The following ITGAV variants were observed in gnomAD, a reference collection of about 807,000 sequenced individuals.
ITGAV encodes integrin subunit alpha V, also known as integrin alpha-V.
ITGAV carries 76 observed loss-of-function variants against 143.8 expected under a neutral mutation model. That is an observed-to-expected ratio of 0.53 (90% CI 0.44 to 0.64). ITGAV has a LOEUF of 0.64. ITGAV is among the 30% of genes least tolerant of loss of function. The pLI is 0.00. For synonymous variants in ITGAV, 453 were observed against 446.7 expected (o/e 1.01, Z -0.18); for missense variants, 1,193 against 1,274.7 (o/e 0.94, Z 0.98).
intron 1 of ITGAV, among the ~76,000 whole-genome samples, chr2:186,593,696 A>G (rs1207264044): frequency 6.6e-6 from 1 of 151,844 alleles, no homozygotes; most frequent in Non-Finnish European, 1.5e-5. Context: ...CACCGGGGGG[A>G]AGTAAGGGGA....
At chr2:186,669,220 A>G (rs1688995952) in intron 25 of ITGAV, among the ~76,000 whole-genome samples, 1 of 152,176 alleles carries the variant, frequency 6.6e-6, no homozygotes, top group South Asian at 2.1e-4. Flanking sequence ...TCAGGGCATA[A>G]TATCACATCA....
At chr2:186,656,144 A>G (rs988517174) in intron 16 of ITGAV, 103 bp from the exon 17 acceptor site, 3 of 746,866 alleles carry the variant, frequency 4.0e-6, no homozygotes, top group African/African-American at 1.9e-5. Context: ...GAAGCAATTT[A>G]CTTCTTAAGG....
intron 1 of ITGAV, 122 bp downstream of exon 1, chr2:186,590,645 CCT>C: frequency 1.1e-6 from 1 of 882,152 alleles, no homozygotes; most frequent in South Asian, 1.8e-5. Context: ...ACCCATCCTA[CCT>C]CTCAGAGTGG....
intron 8 of ITGAV, 62 bp downstream of exon 8, chr2:186,637,171 T>A: frequency 7.1e-7 from 1 of 1,417,596 alleles, no homozygotes; most frequent in Non-Finnish European, 1.0e-6. Flanking sequence ...TTGAAACATG[T>A]GGCATTGAAA....
At chr2:186,676,461 G>A (rs1011831889) in intron 28 of ITGAV, among the ~76,000 whole-genome samples, 5 of 152,146 alleles carry the variant, frequency 3.3e-5, no homozygotes, top group African/African-American at 1.2e-4. Context: ...AAAATTAGCT[G>A]GGTATAGTGG....
At chr2:186,594,950 TATG>T (rs1024765382) in intron 1 of ITGAV, among the ~76,000 whole-genome samples, 52 of 152,338 alleles carry the variant, frequency 3.4e-4, no homozygotes, top group African/African-American at 1.2e-3. Flanking sequence ...ATTAAGGACA[TATG>T]ATGTTTCATA....
At chr2:186,630,223 A>G (rs1242586390) in intron 4 of ITGAV, among the ~76,000 whole-genome samples, 2 of 152,042 alleles carry the variant, frequency 1.3e-5, no homozygotes, top group African/African-American at 2.4e-5. Flanking sequence ...CATAATAACA[A>G]AGGTCTTAGC....
At chr2:186,640,125 T>G (rs1302811548) in intron 10 of ITGAV, among the ~76,000 whole-genome samples, 1 of 152,224 alleles carries the variant, frequency 6.6e-6, no homozygotes, top group African/African-American at 2.4e-5. Flanking sequence ...CACCTTACTT[T>G]ATATTTAATC....
chr2:186,670,349 G>T (rs1042816835), intron 26 of ITGAV, among the ~76,000 whole-genome samples: 2 of 152,038 alleles, frequency 1.3e-5, no homozygotes, highest in African/African-American at 2.4e-5. Flanking sequence ...CACCCAGGCT[G>T]GAGTGCAATG....
rs201781970 is a variant in ITGAV at position 186,669,791 on chromosome 2, A to G, written c.2683A>G (p.Ser895Gly). Residue 895 changes from serine to glycine, a missense_variant, in exon 26 of 30, where the codon AGT (serine) becomes GGT (glycine). By Grantham distance (56) the Ser-to-Gly change is moderately conservative. Coordinates refer to ENST00000261023, the MANE Select transcript of ITGAV (RefSeq NM_002210.5). The part of the protein sequence containing the change: ...HLITKRDLAL[S>G]EGDIHTLGCG... ...CATCACTAAGCGGGATCTTGCCCTC[A>G]GTGAAGGAGATATTCACACTTTGGT... 80 of 1,613,424 alleles carry G rather than the reference A, an allele frequency of 5.0e-5. No homozygotes were observed. The highest frequency in any genetic ancestry group is 3.3e-4 in the Admixed American group (20 of 59,962).
Position 186,630,811 on chromosome 2 carries a change from G to C in ITGAV, c.538G>C (p.Asp180His). ...TTTTATTTTAGAAGATATTGATGCT[G>C]ATGGACAGGGATTTTGTCAAGGAGG... is the stretch of plus-strand genomic sequence containing the variant. ...APCRSQDIDADGQGFCQGGFS... is the reference protein window; with the variant it reads ...APCRSQDIDAHGQGFCQGGFS... The change falls in exon 5 of 30, where the codon GAT becomes CAT. Residue 180 changes from aspartate (D) to histidine (H), a missense_variant. By Grantham distance (81) the Asp-to-His change is moderately conservative (BLOSUM62 -1). Transcript: ENST00000261023. The C allele has an allele frequency of 6.3e-7, 1 of 1,579,674 alleles. No homozygotes were observed. The highest frequency in any genetic ancestry group is 8.7e-7 in the Non-Finnish European group (1 of 1,150,876).
rs202170056 is a variant in ITGAV, at chr2:186,667,738, G to A, written c.2395G>A (p.Glu799Lys). Residue 799 changes from glutamate (E) to lysine (K), a missense_variant, in exon 24 of 30, where the codon GAA becomes AAA. By Grantham distance (56) the Glu-to-Lys change is moderately conservative (BLOSUM62 1). Coordinates refer to ENST00000261023, the MANE Select transcript of ITGAV (RefSeq NM_002210.5). ...GGAGCACAAGGAGAACCCTGAGACTGAAGAAGATGTTGGGCCAGTTGTTCA... is the reference window on the plus strand; with the variant it reads ...GGAGCACAAGGAGAACCCTGAGACTAAAGAAGATGTTGGGCCAGTTGTTCA... ...NWEHKENPETEEDVGPVVQHI... is the reference protein window; with the variant it reads ...NWEHKENPETKEDVGPVVQHI... The A allele has an allele frequency of 1.2e-6, 2 of 1,610,758 alleles. No individual in the cohort carries two copies. The highest frequency in any genetic ancestry group is 1.7e-6 in the Non-Finnish European group (2 of 1,177,886).
At position 186,679,534 on chromosome 2, in the gene ITGAV, A is replaced by T. The variant is rs900639163; in HGVS notation, c.*2242A>T. 6.6e-6 allele frequency: 1 copy of T among 151,938 alleles called. No individual in the cohort carries two copies. The highest frequency in any genetic ancestry group is 1.5e-5 in the Non-Finnish European group (1 of 67,876). The allele number at this position is 151,938 out of a possible 1,614,324, so 9.4% of individuals were successfully genotyped here. On this transcript the variant is annotated 3_prime_UTR_variant, in exon 30 of 30. Transcript: ENST00000261023. ...TGATTAAATATCAAAAAATTGCCCT[A>T]TGAAAACTTTAAATCTCTAAAACAT...
At chr2:186,608,823 G>T (rs911995669) in intron 2 of ITGAV, among the ~76,000 whole-genome samples, 19 of 152,080 alleles carry the variant, frequency 1.2e-4, no homozygotes, top group African/African-American at 4.6e-4. Context: ...AACAGAACAA[G>T]AATTTATTGG....
intron 14 of ITGAV, among the ~76,000 whole-genome samples, chr2:186,650,853 CTTT>C (rs1688406201): frequency 6.6e-6 from 1 of 152,046 alleles, no homozygotes; most frequent in Admixed American, 6.6e-5. Flanking sequence ...CCCGCCCCTT[CTTT>C]GTCTTTTAAA....
At chr2:186,614,741 GAC>G (rs2105673986) in intron 2 of ITGAV, among the ~76,000 whole-genome samples, 1 of 151,468 alleles carries the variant, frequency 6.6e-6, no homozygotes, top group African/African-American at 2.4e-5. Context: ...TTACTCTTCT[GAC>G]ACATCTATTT....
intron 2 of ITGAV, among the ~76,000 whole-genome samples, chr2:186,609,661 A>G (rs1330911754): frequency 6.6e-6 from 1 of 152,174 alleles, no homozygotes; most frequent in Non-Finnish European, 1.5e-5. Flanking sequence ...AGTTGGTGAC[A>G]TTTGAGCTAG....
intron 1 of ITGAV, among the ~76,000 whole-genome samples, chr2:186,597,339 T>C (rs145525228): frequency 1.3e-5 from 2 of 152,366 alleles, no homozygotes; most frequent in South Asian, 2.1e-4. Context: ...GAAATTGTTT[T>C]AAGGGTAATT....
At chr2:186,646,550 T>C in intron 12 of ITGAV, 136 bp from the exon 13 acceptor site, 1 of 584,544 alleles carries the variant, frequency 1.7e-6, no homozygotes, top group East Asian at 2.8e-5. Context: ...GTACAAATAA[T>C]TACAAGTACT....
Sources: allele counts gnomAD v4.1 joint callset (sites outside exome capture counted in the v4.1 genomes callset), GRCh38; gene constraint gnomAD v4.1.1; transcripts MANE v1.5; gene names NCBI Gene and HGNC (gene_info 2026-07-23, HGNC 2026-07-21).